The following ACADL variants were observed in gnomAD, a reference collection of about 807,000 sequenced individuals.
ACADL encodes acyl-CoA dehydrogenase long chain, also known as long-chain specific acyl-CoA dehydrogenase, mitochondrial.
ACADL carries 60 observed loss-of-function variants against 56.9 expected under a neutral mutation model. That is an observed-to-expected ratio of 1.05 (90% confidence interval 0.86 to 1.31). The LOEUF is 1.31. Among genes scored for constraint, ACADL ranks in the 50% most tolerant of loss-of-function variants. ACADL has a pLI of 0.00. For missense variants in ACADL, 484 were observed against 525.5 expected, an observed-to-expected ratio of 0.92 and a Z score of 0.77; for synonymous variants, 158 against 179.7, an observed-to-expected ratio of 0.88 and a Z score of 0.97.
rs1044963784 is a variant in ACADL, at chr2:210,220,711, G to T, written c.169C>A (p.His57Asn). 6.2e-7 allele frequency: 1 copy of T among 1,613,308 alleles called. No homozygotes were observed. The highest frequency in any genetic ancestry group is 1.3e-5 in the African/African-American group (1 of 74,886). Residue 57 changes from histidine to asparagine, a missense_variant, in exon 2 of 11, where the codon CAT becomes AAT. By Grantham distance (68) the His-to-Asn change is moderately conservative (BLOSUM62 1). Coordinates refer to ENST00000233710, the MANE Select transcript of ACADL (RefSeq NM_001608.4). The part of the protein sequence containing the change: ...IGIRRIFSPE[H>N]DIFRKSVRKF... ...CTTACACTTTTCCGGAAAATGTCAT[G>T]CTCTGGAGAAAAGATTCTTCGAATT... is the stretch of plus-strand genomic sequence containing the variant.
intron 8 of ACADL, among the ~76,000 whole-genome samples, chr2:210,196,316 T>C (rs1688710733): frequency 1.3e-5 from 2 of 151,724 alleles, no homozygotes; most frequent in African/African-American, 4.8e-5. Context: ...CATAGCAGTA[T>C]GAAAATGGAT....
chr2:210,209,015 T>C (rs1176688715), intron 5 of ACADL, among the ~76,000 whole-genome samples: 1 of 152,228 alleles, frequency 6.6e-6, no homozygotes, highest in East Asian at 1.9e-4. Flanking sequence ...TCTGACCAAA[T>C]ATCCCACTCC....
At chr2:210,204,419 A>C (rs1235474365) in intron 7 of ACADL, among the ~76,000 whole-genome samples, 162 bp downstream of exon 7, 1 of 152,166 alleles carries the variant, frequency 6.6e-6, no homozygotes, top group Non-Finnish European at 1.5e-5. Context: ...CTACCCTATA[A>C]AACTCATACT....
rs890610201 is a variant in ACADL, at chr2:210,187,949, G to A, written c.*1012C>T. The A allele has an allele frequency of 1.3e-5, 2 of 152,048 alleles. No homozygotes were observed. The highest frequency in any genetic ancestry group is 2.4e-5 in the African/African-American group (1 of 41,410). 9.4% of individuals were successfully genotyped at this position (152,048 alleles called of 1,614,324 possible). A position where few individuals can be genotyped will look rare whatever the true frequency, so the allele number is the denominator to read the frequency against. On this transcript the variant is annotated 3_prime_UTR_variant, in exon 11 of 11. Coordinates refer to ENST00000233710, the MANE Select transcript of ACADL (RefSeq NM_001608.4). ...ACTTTAAATTAATGGTTTATTTTTTGTAATTACTTTTAAGTCTTAAATCAA... is the reference window on the plus strand; with the variant it reads ...ACTTTAAATTAATGGTTTATTTTTTATAATTACTTTTAAGTCTTAAATCAA...
Position 210,205,935 on chromosome 2 carries a change from A to T in ACADL, c.604-139T>A, listed in dbSNP as rs1485598242. The T allele has an allele frequency of 6.3e-6, 6 of 954,506 alleles. No individual in the cohort carries two copies. The African/African-American group carries it at 8.1e-5, about 13-fold the overall frequency. The allele number at this position is 954,506 out of a possible 1,614,324, so 59.1% of individuals were successfully genotyped here. A position where few individuals can be genotyped will look rare whatever the true frequency, so the allele number is the denominator to read the frequency against. Reference sequence around the variant, plus strand: ...ACCTCTCTCTGTACCCTACCCAAATATCTGCAAAGTTGATTATTCACACAT... The same window carrying T: ...ACCTCTCTCTGTACCCTACCCAAATTTCTGCAAAGTTGATTATTCACACAT... On this transcript the variant is annotated intron_variant, in intron 5 of 10. Coordinates refer to ENST00000233710, the MANE Select transcript of ACADL (RefSeq NM_001608.4).
intron 9 of ACADL, among the ~76,000 whole-genome samples, chr2:210,194,922 T>C (rs1348417407): frequency 6.6e-6 from 1 of 152,202 alleles, no homozygotes; most frequent in Non-Finnish European, 1.5e-5. Context: ...AATATCACTC[T>C]TCATTTTCCC....
At chr2:210,207,334 A>T (rs539741608) in intron 5 of ACADL, among the ~76,000 whole-genome samples, 2 of 152,288 alleles carry the variant, frequency 1.3e-5, no homozygotes, top group African/African-American at 4.8e-5. Context: ...TAGAAAACTT[A>T]TCACAAACTG....
chr2:210,201,106 G>A (rs141006018), intron 8 of ACADL, among the ~76,000 whole-genome samples: 2 of 152,148 alleles, frequency 1.3e-5, no homozygotes, highest in East Asian at 1.9e-4. Context: ...CTGGGAGGAC[G>A]GGGTGGAGCC....
At chr2:210,219,353 C>A (rs1689139667) in intron 2 of ACADL, among the ~76,000 whole-genome samples, 1 of 152,116 alleles carries the variant, frequency 6.6e-6, no homozygotes, top group African/African-American at 2.4e-5. Context: ...AATCCCAGCA[C>A]TTTGGGAGGC....
Position 210,187,924 on chromosome 2 carries a change from A to G in ACADL, c.*1037T>C, listed in dbSNP as rs1688573041. ...ATACATCTGTTTCCATGTTAAAGCTACTTTAAATTAATGGTTTATTTTTTG... is the reference window on the plus strand; with the variant it reads ...ATACATCTGTTTCCATGTTAAAGCTGCTTTAAATTAATGGTTTATTTTTTG... On this transcript the variant is annotated 3_prime_UTR_variant, in exon 11 of 11. Transcript: ENST00000233710. The G allele has an allele frequency of 6.6e-6, 1 of 152,234 alleles. No homozygotes were observed. The highest frequency in any genetic ancestry group is 2.1e-4 in the South Asian group (1 of 4,832). The allele number at this position is 152,234 out of a possible 1,614,324, so 9.4% of individuals were successfully genotyped here.
intron 4 of ACADL, among the ~76,000 whole-genome samples, chr2:210,211,876 G>C (rs1298010042): frequency 1.0e-4 from 15 of 147,212 alleles, no homozygotes; most frequent in Non-Finnish European, 1.8e-4. Flanking sequence ...TGTTGCCCAG[G>C]CTGGAGTGCA....
Position 210,225,400 on chromosome 2 carries a change from G to T in ACADL, c.-137C>A. On this transcript the variant is annotated 5_prime_UTR_variant, in exon 1 of 11. Coordinates refer to ENST00000233710, the MANE Select transcript of ACADL (RefSeq NM_001608.4). ...TCCTCCCAAAAAAGCGCTCGCGCGC[G>T]CCCTTCCGGAGCCCCAACCACGCCA... 2 of 980,830 alleles carry T rather than the reference G, an allele frequency of 2.0e-6. No individual in the cohort carries two copies. The highest frequency in any genetic ancestry group is 2.9e-6 in the Non-Finnish European group (2 of 684,364). 60.8% of individuals were successfully genotyped at this position (980,830 alleles called of 1,614,324 possible).
At chr2:210,202,901 A>C (rs1247808484) in intron 8 of ACADL, among the ~76,000 whole-genome samples, 1 of 152,000 alleles carries the variant, frequency 6.6e-6, no homozygotes, top group Admixed American at 6.6e-5. Flanking sequence ...GGCTCTTACT[A>C]AATAATCTCC....
chr2:210,222,198 T>C (rs1001948660), intron 1 of ACADL, among the ~76,000 whole-genome samples: 3 of 152,178 alleles, frequency 2.0e-5, no homozygotes, highest in Non-Finnish European at 4.4e-5. Context: ...AGATCTTGGC[T>C]TTTAAGCTTA....
At chr2:210,192,780 AGT>A (rs1211934345) in intron 10 of ACADL, 22 bp downstream of exon 10, 1 of 1,548,856 alleles carries the variant, frequency 6.5e-7, no homozygotes, top group African/African-American at 1.4e-5. Context: ...CATAAAGAAG[AGT>A]GTATCAGAAA....
chr2:210,189,034 A>C lies in ACADL; in HGVS notation c.1220T>G (p.Val407Gly), dbSNP rs1299353973. Residue 407 changes from valine to glycine, a missense_variant, in exon 11 of 11, where the codon GTT becomes GGT. Transcript: ENST00000233710. ...PIAKAYVDAR[V>G]QPIYGGTNEI... ...ATTTGTACCACCATAGATTGGCTGA[A>C]CTCTGGCATCCACATAAGCTCTGGA... is the stretch of plus-strand genomic sequence containing the variant. 1 of 1,612,666 alleles carries C rather than the reference A, an allele frequency of 6.2e-7. No individual in the cohort carries two copies. Among genetic ancestry groups the C allele is most frequent in the Non-Finnish European group, 8.5e-7 (1 of 1,178,788 alleles).
chr2:210,205,430 C>T (rs570267806), intron 6 of ACADL, among the ~76,000 whole-genome samples: 1 of 152,176 alleles, frequency 6.6e-6, no homozygotes, highest in South Asian at 2.1e-4. Flanking sequence ...TTCAAAATAC[C>T]TTGATTCATT....
chr2:210,220,802 T>C lies in ACADL; in HGVS notation c.78A>G (p.Arg26=), dbSNP rs141512277. The part of the protein sequence containing the change: ...HRAPRQLPAA[R]CSHSGGEERL... Reference sequence around the variant, plus strand: ...GTTCTTCCCCTCCGGAATGAGAACATCTTAAAAATATATATATGCAATAGG... The same window carrying C: ...GTTCTTCCCCTCCGGAATGAGAACACCTTAAAAATATATATATGCAATAGG... The change falls in exon 2 of 11, where the codon CGA becomes CGG. Residue 26 remains arginine, a splice_region_variant and synonymous_variant. Transcript: ENST00000233710. 3 of 1,594,200 alleles carry C rather than the reference T, an allele frequency of 1.9e-6. No homozygotes were observed. In the African/African-American group the frequency reaches 4.0e-5, roughly 21 times the overall value.
chr2:210,224,349 A>G, intron 1 of ACADL: 2 of 979,098 alleles, frequency 2.0e-6, no homozygotes, highest in Non-Finnish European at 2.4e-6. Flanking sequence ...CTCCCCAGGA[A>G]AAGTAGGCAT....
Sources: gnomAD v4.1 joint callset for allele counts (sites outside exome capture counted in the v4.1 genomes callset) on GRCh38, gnomAD v4.1.1 for gene constraint, MANE v1.5 for transcripts, NCBI Gene and HGNC (gene_info 2026-07-23, HGNC 2026-07-21) for gene names.